Variants in SIX4 observed in about 807,000 individuals in gnomAD.
The protein encoded by SIX4 is homeobox protein SIX4.
SIX4 carries 23 observed loss-of-function variants against 51.5 expected under a neutral mutation model. The ratio of observed to expected loss-of-function variants is 0.45; its 90% CI spans 0.32 to 0.63. The LOEUF (loss-of-function observed/expected upper bound fraction) is 0.63, where lower values mean the gene tolerates loss of function less well. Ranked by LOEUF, SIX4 falls within the 30% of genes least tolerant of loss-of-function variation. SIX4 has a pLI of 0.04. For missense variants in SIX4, 867 were observed against 984.0 expected (o/e 0.88, Z 1.59); for synonymous variants, 413 against 417.3 (o/e 0.99, Z 0.13).
In SIX4 at chr14:60,720,480, T is replaced by C. The variant is rs772178596; in HGVS notation, c.864-35A>G. 1 of 1,581,978 alleles carries C rather than the reference T, an allele frequency of 6.3e-7. No individual in the cohort carries two copies. The highest frequency in any genetic ancestry group is 8.6e-7 in the Non-Finnish European group (1 of 1,164,022). On this transcript the variant is annotated intron_variant, in intron 1 of 2. Coordinates refer to ENST00000216513, the MANE Select transcript of SIX4 (RefSeq NM_017420.5). The surrounding 1 kb of genome is among the most constrained non-coding windows in gnomAD (Gnocchi z 5.5). ...GGGGGAAATCAAAATGTTCAGAAGG[T>C]CAGGGGGATGACATTCTACACAGTG...
At position 60,711,823 on chromosome 14, in the gene SIX4, C is replaced by A. The variant is rs1895827254; in HGVS notation, c.*1584G>T. Reference sequence around the variant, plus strand: ...AAGCAAGATGTGCTAACATCTAACACCTTTATGTTCAACAACTTGAAGTTA... The same window carrying A: ...AAGCAAGATGTGCTAACATCTAACAACTTTATGTTCAACAACTTGAAGTTA... On this transcript the variant is annotated 3_prime_UTR_variant, in exon 3 of 3. Coordinates refer to ENST00000216513, the MANE Select transcript of SIX4 (RefSeq NM_017420.5). The A allele has an allele frequency of 6.6e-6, 1 of 150,886 alleles. No homozygotes were observed. The highest frequency in any genetic ancestry group is 2.1e-4 in the South Asian group (1 of 4,788). 9.3% of individuals were successfully genotyped at this position (150,886 alleles called of 1,614,324 possible).
Position 60,712,072 on chromosome 14 carries a change from A to AGT in SIX4, c.*1333_*1334dup, listed in dbSNP as rs1895833481. 6.6e-6 allele frequency: 1 copy of AGT among 152,664 alleles called. No homozygotes were observed. The highest frequency in any genetic ancestry group is 2.4e-5 in the African/African-American group (1 of 41,472). 9.5% of individuals were successfully genotyped at this position (152,664 alleles called of 1,614,324 possible). On this transcript the variant is annotated 3_prime_UTR_variant, in exon 3 of 3. Coordinates refer to ENST00000216513, the MANE Select transcript of SIX4 (RefSeq NM_017420.5). ...AGTGCAAACAACAGTCATGTGTCAG[A>AGT]GTGTAACAACTGATTCAAAACCTTT...
rs1013077477 is a variant in SIX4, at chr14:60,713,376, A to T, written c.*31T>A. ...GGCTTCATGAAAAGATTTGCCGCTG[A>T]TGCCAAAAAGAGGTGAGGAGGAAAT... is the stretch of plus-strand genomic sequence containing the variant. On this transcript the variant is annotated 3_prime_UTR_variant, in exon 3 of 3. Coordinates refer to ENST00000216513, the MANE Select transcript of SIX4 (RefSeq NM_017420.5). 4 of 1,546,562 alleles carry T rather than the reference A, an allele frequency of 2.6e-6. No homozygotes were observed. Among genetic ancestry groups the T allele is most frequent in the Non-Finnish European group, 3.5e-6 (4 of 1,150,732 alleles).
rs546778627 is a variant in SIX4 at position 60,714,101 on chromosome 14, C to T, written c.1652G>A (p.Ser551Asn). The change falls in exon 3 of 3, where the codon AGT becomes AAT. Residue 551 changes from serine (S) to asparagine (N), a missense_variant. Physicochemically the swap from Ser to Asn is conservative, Grantham distance 46 (BLOSUM62 1). Coordinates refer to ENST00000216513, the MANE Select transcript of SIX4 (RefSeq NM_017420.5). ...GKVFLSSLAP[S>N]AVVYTVPNTG... ...ATTAGGAACCGTGTATACCACTGCA[C>T]TGGGAGCAAGAGAGCTCAAGAAAAC... 21 of 1,614,104 alleles carry T rather than the reference C, an allele frequency of 1.3e-5. No individual in the cohort carries two copies. In the South Asian group the frequency reaches 2.3e-4, roughly 18 times the overall value.
rs913530639 is a variant in SIX4 at position 60,722,385 on chromosome 14, G to GC, written c.863+826dup. Among the ~76,000 whole-genome samples the GC allele has an allele frequency of 3.9e-5, 6 of 152,054 alleles. No individual in the cohort carries two copies. The highest frequency in any genetic ancestry group is 7.4e-5 in the Non-Finnish European group (5 of 68,008). On this transcript the variant is annotated intron_variant, in intron 1 of 2. Coordinates refer to ENST00000216513, the MANE Select transcript of SIX4 (RefSeq NM_017420.5). This position sits in a 1 kb window ranked among gnomAD's most constrained non-coding sequence, Gnocchi z 5.9. ...GCTGCCGCCCGCCGTAAGCCGGCCT[G>GC]CCCCCCACCCATAACTACCGTACCA...
In SIX4 at chr14:60,714,200, T is replaced by G; in HGVS notation, c.1553A>C (p.Asn518Thr). The G allele has an allele frequency of 6.4e-7, 1 of 1,568,530 alleles. No individual in the cohort carries two copies. The highest frequency in any genetic ancestry group is 8.6e-7 in the Non-Finnish European group (1 of 1,166,958). ...PPVSVAASQG[N>T]ISVSSSTSDG... Reference sequence around the variant, plus strand: ...TGAAGTGCTTGAGCTTACTGAGATATTACCTAAAAAAAATAAAGTACTGAT... The same window carrying G: ...TGAAGTGCTTGAGCTTACTGAGATAGTACCTAAAAAAAATAAAGTACTGAT... The change falls in exon 3 of 3, where the codon AAT becomes ACT. Residue 518 changes from asparagine (N) to threonine (T), a missense_variant. Coordinates refer to ENST00000216513, the MANE Select transcript of SIX4 (RefSeq NM_017420.5).
At chr14:60,715,585 AT>A (rs1357839275) in intron 2 of SIX4, among the ~76,000 whole-genome samples, 2 of 152,338 alleles carry the variant, frequency 1.3e-5, no homozygotes, top group African/African-American at 4.8e-5. Flanking sequence ...AAAGGTTTGT[AT>A]CTTTTGAGAC....
In SIX4 at chr14:60,720,064, G is replaced by A. The variant is rs1356451672; in HGVS notation, c.1245C>T (p.Ser415=). ...GGACTTTGAATTCCTTCACGTCCTG[G>A]GAAGTAGACCCCAGTATGTCAGTCA... ...ISMTDILGST[S]QDVKEFKVLQ... is the part of the protein sequence containing the mutation. Residue 415 remains serine, a synonymous_variant, in exon 2 of 3, where the codon TCC becomes TCT. Coordinates refer to ENST00000216513, the MANE Select transcript of SIX4 (RefSeq NM_017420.5). This position sits in a 1 kb window ranked among gnomAD's most constrained non-coding sequence, Gnocchi z 5.5. 9 of 1,614,198 alleles carry A rather than the reference G, an allele frequency of 5.6e-6. No individual in the cohort carries two copies. Among genetic ancestry groups the A allele is most frequent in the Non-Finnish European group, 7.6e-6 (9 of 1,180,038 alleles).
At position 60,723,970 on chromosome 14, in the gene SIX4, C is replaced by T; in HGVS notation, c.105G>A (p.Val35=). The T allele has an allele frequency of 6.6e-7, 1 of 1,511,744 alleles. No homozygotes were observed. The highest frequency in any genetic ancestry group is 8.8e-7 in the Non-Finnish European group (1 of 1,134,970). 93.6% of individuals were successfully genotyped at this position (1,511,744 alleles called of 1,614,324 possible). Residue 35 remains valine (V), a synonymous_variant, in exon 1 of 3, where the codon GTG becomes GTA. Coordinates refer to ENST00000216513, the MANE Select transcript of SIX4 (RefSeq NM_017420.5). ...ASEGQEAHRE[V]AGGAAVGLSP... ...TCAGCCCTACCGCCGCGCCCCCCGC[C>T]ACTTCTCGGTGCGCCTCCTGCCCTT...
chr14:60,723,622 C>A lies in SIX4; in HGVS notation c.453G>T (p.Ala151=). 4.4e-6 allele frequency: 7 copies of A among 1,607,368 alleles called. No homozygotes were observed. The highest frequency in any genetic ancestry group is 5.9e-6 in the Non-Finnish European group (7 of 1,177,502). ...LLRGNESLLK[A]RALVAFHQGI... ...CCTGGTGGAAGGCCACGAGCGCCCG[C>A]GCCTTCAGCAGGCTCTCGTTGCCAC... The change falls in exon 1 of 3, where the codon GCG becomes GCT. Residue 151 remains alanine, a synonymous_variant. Transcript: ENST00000216513.
chr14:60,722,429 T>A lies in SIX4; in HGVS notation c.863+783A>T, dbSNP rs1448117794. On this transcript the variant is annotated intron_variant, in intron 1 of 2. Coordinates refer to ENST00000216513, the MANE Select transcript of SIX4 (RefSeq NM_017420.5). This position sits in a 1 kb window ranked among gnomAD's most constrained non-coding sequence, Gnocchi z 5.9. ...CGTACCAGGAGGGAGCCAAGCAGCG[T>A]TCGGGGGCCGAGGGAGGAAGCAGCC... 6.6e-6 allele frequency among the ~76,000 whole-genome samples: 1 copy of A among 152,048 alleles called. No homozygotes were observed. The highest frequency in any genetic ancestry group is 1.5e-5 in the Non-Finnish European group (1 of 68,008).
At chr14:60,723,083 G>A in intron 1 of SIX4, 129 bp downstream of exon 1, 1 of 1,419,994 alleles carries the variant, frequency 7.0e-7, no homozygotes, top group Non-Finnish European at 9.1e-7. Flanking sequence ...TAGGGGGCGG[G>A]GAGAGGTGGG....
Position 60,722,966 on chromosome 14 carries a change from T to A in SIX4, c.863+246A>T. On this transcript the variant is annotated intron_variant, in intron 1 of 2. Transcript: ENST00000216513. This position sits in a 1 kb window ranked among gnomAD's most constrained non-coding sequence, Gnocchi z 5.9. The stretch of plus-strand genomic sequence containing the variant: ...CGAGGTGGGGGCGGGGACTGAGACC[T>A]AGGCGGGCGACCAGAAACTTCTGGG... The A allele has an allele frequency of 1.6e-6, 1 of 642,402 alleles. No homozygotes were observed. The highest frequency in any genetic ancestry group is 2.3e-5 in the South Asian group (1 of 42,692). The allele number at this position is 642,402 out of a possible 1,614,324, so 39.8% of individuals were successfully genotyped here. A position where few individuals can be genotyped will look rare whatever the true frequency, so the allele number is the denominator to read the frequency against.
Position 60,711,020 on chromosome 14 carries a change from T to C in SIX4, c.*2387A>G, listed in dbSNP as rs932799706. The C allele has an allele frequency of 2.1e-4, 32 of 150,410 alleles. No homozygotes were observed. The highest frequency in any genetic ancestry group is 7.8e-4 in the African/African-American group (32 of 41,232). The allele number at this position is 150,410 out of a possible 1,614,324, so 9.3% of individuals were successfully genotyped here. ...TATAAAACATTTCCAGTTATATATATATATATAGCATATATAACTAAAAAC... is the reference window on the plus strand; with the variant it reads ...TATAAAACATTTCCAGTTATATATACATATATAGCATATATAACTAAAAAC... On this transcript the variant is annotated 3_prime_UTR_variant, in exon 3 of 3. Coordinates refer to ENST00000216513, the MANE Select transcript of SIX4 (RefSeq NM_017420.5).
intron 2 of SIX4, among the ~76,000 whole-genome samples, chr14:60,718,821 T>G (rs997689193): frequency 1.3e-5 from 2 of 152,240 alleles, no homozygotes; most frequent in African/African-American, 2.4e-5. Context: ...TTGATTTTTT[T>G]GGGGGGGTGG....
Position 60,719,646 on chromosome 14 carries a change from G to T in SIX4, c.1549+114C>A. On this transcript the variant is annotated intron_variant, in intron 2 of 2. Coordinates refer to ENST00000216513, the MANE Select transcript of SIX4 (RefSeq NM_017420.5). This position sits in a 1 kb window ranked among gnomAD's most constrained non-coding sequence, Gnocchi z 4.9. ...TCAAGGCTACTCTACAGCTTCGGCAGCTAATAAGGTACCTGAACAGAAACA... is the reference window on the plus strand; with the variant it reads ...TCAAGGCTACTCTACAGCTTCGGCATCTAATAAGGTACCTGAACAGAAACA... 2 of 1,051,660 alleles carry T rather than the reference G, an allele frequency of 1.9e-6. No individual in the cohort carries two copies. Among genetic ancestry groups the T allele is most frequent in the Non-Finnish European group, 2.7e-6 (2 of 733,836 alleles). 65.1% of individuals were successfully genotyped at this position (1,051,660 alleles called of 1,614,324 possible).
Position 60,717,612 on chromosome 14 carries a change from A to G in SIX4, c.1549+2148T>C, listed in dbSNP as rs1433593157. On this transcript the variant is annotated intron_variant, in intron 2 of 2. Transcript: ENST00000216513. The surrounding 1 kb of genome is among the most constrained non-coding windows in gnomAD (Gnocchi z 4.6). ...ACATATATAAAAGAGAATTTGATCT[A>G]AAATTTGATTTTTGAGCATAACTAC... Among the ~76,000 whole-genome samples the G allele has an allele frequency of 6.6e-6, 1 of 152,240 alleles. No individual in the cohort carries two copies. Among genetic ancestry groups the G allele is most frequent in the Non-Finnish European group, 1.5e-5 (1 of 68,040 alleles).
chr14:60,712,181 T>G lies in SIX4; in HGVS notation c.*1226A>C, dbSNP rs1273676620. On this transcript the variant is annotated 3_prime_UTR_variant, in exon 3 of 3. Transcript: ENST00000216513. Reference sequence around the variant, plus strand: ...TTTAAAATGGTTTTCATAGCCTGTATAATCAATTTGACATGGTATTTATAA... The same window carrying G: ...TTTAAAATGGTTTTCATAGCCTGTAGAATCAATTTGACATGGTATTTATAA... 1 of 152,676 alleles carries G rather than the reference T, an allele frequency of 6.5e-6. No individual in the cohort carries two copies. Among genetic ancestry groups the G allele is most frequent in the African/African-American group, 2.4e-5 (1 of 41,462 alleles). 9.5% of individuals were successfully genotyped at this position (152,676 alleles called of 1,614,324 possible). A position where few individuals can be genotyped will look rare whatever the true frequency, so the allele number is the denominator to read the frequency against.
chr14:60,713,760 G>C lies in SIX4; in HGVS notation c.1993C>G (p.Gln665Glu). 6.2e-7 allele frequency: 1 copy of C among 1,614,230 alleles called. No homozygotes were observed. The highest frequency in any genetic ancestry group is 8.5e-7 in the Non-Finnish European group (1 of 1,180,042). ...TGACCAGTAATAAGGGAGCAGTTCT[G>C]AAGAGTTGCATAGTTAGTGTTGCTG... Reference protein sequence around the residue: ...SVSNTNYATLQNCSLITGQDL... With the variant: ...SVSNTNYATLENCSLITGQDL... The change falls in exon 3 of 3, where the codon CAG (glutamine) becomes GAG (glutamate). Residue 665 changes from glutamine to glutamate, a missense_variant. Transcript: ENST00000216513.
Sources: allele counts gnomAD v4.1 joint callset (sites outside exome capture counted in the v4.1 genomes callset), GRCh38; gene constraint gnomAD v4.1.1; non-coding constraint Gnocchi (gnomAD v3.1); transcripts MANE v1.5; gene names NCBI Gene and HGNC (gene_info 2026-07-23, HGNC 2026-07-21).